CCSER1: variants seen among roughly 807,000 people sequenced by gnomAD.
CCSER1 encodes the protein coiled-coil serine rich protein 1.
Under a neutral mutation model 82.0 loss-of-function variants are expected in CCSER1, and 41 were observed. The ratio of observed to expected loss-of-function variants is 0.50; its 90% CI spans 0.39 to 0.65. CCSER1 has a LOEUF of 0.65. Among genes scored for constraint, CCSER1 ranks in the 30% least tolerant of loss-of-function variants. CCSER1 has a pLI of 0.00. For missense variants in CCSER1, 1,119 were observed against 1,064.2 expected, an observed-to-expected ratio of 1.05 and a Z score of -0.72; for synonymous variants, 414 against 383.9, an observed-to-expected ratio of 1.08 and a Z score of -0.92.
intron 7 of CCSER1, among the ~76,000 whole-genome samples, chr4:90,724,210 G>A (rs1264621905): frequency 2.0e-5 from 3 of 151,856 alleles, no homozygotes; most frequent in African/African-American, 7.2e-5. Flanking sequence ...ACAATTGTTT[G>A]TCTTACATGT....
intron 10 of CCSER1, among the ~76,000 whole-genome samples, chr4:91,328,001 G>A (rs945735854): frequency 6.6e-6 from 1 of 152,116 alleles, no homozygotes; most frequent in African/African-American, 2.4e-5. Flanking sequence ...CATTATCCAT[G>A]TAACTATCAG....
chr4:90,500,920 A>T (rs1372530514), intron 5 of CCSER1, among the ~76,000 whole-genome samples: 1 of 152,060 alleles, frequency 6.6e-6, no homozygotes, highest in Non-Finnish European at 1.5e-5. Context: ...AAAGGAAAAT[A>T]AAATAAAATT....
intron 4 of CCSER1, among the ~76,000 whole-genome samples, chr4:90,432,589 CTCTT>C (rs756767875): frequency 2.6e-4 from 39 of 151,494 alleles, no homozygotes; most frequent in Non-Finnish European, 4.1e-4. Context: ...CTCTCTCTCT[CTCTT>C]TCTTTCTTTC....
chr4:91,474,112 G>A (rs1444949427), intron 10 of CCSER1, among the ~76,000 whole-genome samples: 2 of 151,860 alleles, frequency 1.3e-5, no homozygotes, highest in Non-Finnish European at 2.9e-5. Flanking sequence ...TCCTTGACTA[G>A]CCTCATCAAA....
chr4:91,203,202 A>G (rs1312397463), intron 10 of CCSER1, among the ~76,000 whole-genome samples: 5 of 151,980 alleles, frequency 3.3e-5, no homozygotes, highest in Non-Finnish European at 7.4e-5. Context: ...CTGGTGTGAG[A>G]TGGTATCTCA....
chr4:91,431,489 T>TG (rs1201613213), intron 10 of CCSER1, among the ~76,000 whole-genome samples: 1 of 151,954 alleles, frequency 6.6e-6, no homozygotes, highest in Non-Finnish European at 1.5e-5. Flanking sequence ...GGGCGGTGGA[T>TG]GGGGTTTCGC....
At chr4:90,601,824 TATA>T (rs1247337154) in intron 5 of CCSER1, among the ~76,000 whole-genome samples, 1 of 152,136 alleles carries the variant, frequency 6.6e-6, no homozygotes, top group Non-Finnish European at 1.5e-5. Context: ...TGAATTATTT[TATA>T]ATGTTATTTT....
intron 9 of CCSER1, among the ~76,000 whole-genome samples, chr4:90,932,726 G>A (rs1431320434): frequency 1.3e-5 from 2 of 148,300 alleles, no homozygotes; most frequent in African/African-American, 2.5e-5. Context: ...TACTCAAGAG[G>A]CTAAGGCAGG....
At position 90,441,052 on chromosome 4, in the gene CCSER1, A is replaced by G. The variant is rs192022172; in HGVS notation, c.1604-27182A>G. On this transcript the variant is annotated intron_variant, in intron 4 of 10. Transcript: ENST00000509176. ...GAAGACAAACAATGGCATAAAGGCC[A>G]TTAGTTAGATTTAAGTGGTGTTTTG... Among the ~76,000 whole-genome samples the G allele has an allele frequency of 3.8e-3, 583 of 152,342 alleles. 2 individuals carry two copies. The highest frequency in any genetic ancestry group is 0.02 in the Middle Eastern group (6 of 294).
intron 10 of CCSER1, among the ~76,000 whole-genome samples, chr4:91,318,475 T>C (rs1372036569): frequency 6.6e-6 from 1 of 151,982 alleles, no homozygotes; most frequent in African/African-American, 2.4e-5. Flanking sequence ...ACATTATGAT[T>C]CTGCCAGTTA....
chr4:91,144,977 T>C (rs1729406910), intron 10 of CCSER1, among the ~76,000 whole-genome samples: 1 of 152,120 alleles, frequency 6.6e-6, no homozygotes, highest in African/African-American at 2.4e-5. Context: ...TTAGGTCTAA[T>C]TGGTCAAGTT....
At chr4:91,197,539 G>C (rs1735542724) in intron 10 of CCSER1, among the ~76,000 whole-genome samples, 1 of 152,082 alleles carries the variant, frequency 6.6e-6, no homozygotes, top group Non-Finnish European at 1.5e-5. Context: ...AAATTTAAAA[G>C]CTGAAGTAGT....
chr4:90,806,454 CAAA>C (rs1354286315), intron 7 of CCSER1, among the ~76,000 whole-genome samples: 1 of 152,040 alleles, frequency 6.6e-6, no homozygotes, highest in Non-Finnish European at 1.5e-5. Flanking sequence ...ATTTAATTAA[CAAA>C]ATGTTAATTA....
At chr4:90,643,557 A>G (rs756568246) in intron 6 of CCSER1, among the ~76,000 whole-genome samples, 11 of 152,200 alleles carry the variant, frequency 7.2e-5, no homozygotes, top group Non-Finnish European at 1.3e-4. Flanking sequence ...TTAGGTTTGT[A>G]GAGAATATTA....
intron 9 of CCSER1, among the ~76,000 whole-genome samples, chr4:90,939,035 A>G (rs1731285936): frequency 6.6e-6 from 1 of 152,130 alleles, no homozygotes; most frequent in Admixed American, 6.5e-5. Context: ...GGCACTAAGT[A>G]TTTTTGTTCA....
At chr4:90,525,565 A>G (rs1157913678) in intron 5 of CCSER1, among the ~76,000 whole-genome samples, 1 of 152,122 alleles carries the variant, frequency 6.6e-6, no homozygotes, top group African/African-American at 2.4e-5. Context: ...TTTGATTATT[A>G]TTGTACTTTC....
At chr4:90,877,593 C>T (rs893864512) in intron 8 of CCSER1, among the ~76,000 whole-genome samples, 3 of 151,956 alleles carry the variant, frequency 2.0e-5, no homozygotes, top group African/African-American at 2.4e-5. Flanking sequence ...CTAAGAAAGA[C>T]TCTGACACAG....
At chr4:91,577,264 C>T (rs529062854) in intron 10 of CCSER1, among the ~76,000 whole-genome samples, 7 of 151,776 alleles carry the variant, frequency 4.6e-5, no homozygotes, top group African/African-American at 1.5e-4. Context: ...CTATGCTAAG[C>T]CACAAGTTAG....
intron 10 of CCSER1, among the ~76,000 whole-genome samples, chr4:91,099,594 A>G (rs1724852688): frequency 6.6e-6 from 1 of 152,178 alleles, no homozygotes; most frequent in Non-Finnish European, 1.5e-5. Flanking sequence ...TTAGAGAGGC[A>G]TGAGACATCA....
Sources: allele counts gnomAD v4.1 joint callset (sites outside exome capture counted in the v4.1 genomes callset), GRCh38; gene constraint gnomAD v4.1.1; transcripts MANE v1.5; gene names NCBI Gene and HGNC (gene_info 2026-07-23, HGNC 2026-07-21).